CDH4: variants seen among roughly 807,000 people sequenced by gnomAD.
The protein encoded by CDH4 is cadherin 4, also known as cadherin-4.
CDH4 carries 33 observed loss-of-function variants against 86.0 expected under a neutral mutation model. The ratio of observed to expected loss-of-function variants is 0.38; its 90% CI spans 0.29 to 0.51. The LOEUF (loss-of-function observed/expected upper bound fraction) is 0.51. Among genes scored for constraint, CDH4 ranks in the 20% least tolerant of loss-of-function variants. The pLI is 0.86. For synonymous variants in CDH4, 555 were observed against 549.4 expected (o/e 1.01, Z -0.14); for missense variants, 1,114 against 1,307.4 (o/e 0.85, Z 2.28).
chr20:61,323,781 C>G (rs570748430), intron 2 of CDH4, among the ~76,000 whole-genome samples: 2 of 152,268 alleles, frequency 1.3e-5, no homozygotes, highest in African/African-American at 4.8e-5. Flanking sequence ...TTGCCGTCAC[C>G]TTTAGTACAT....
chr20:61,737,352 G>A (rs1052849188), intron 2 of CDH4, among the ~76,000 whole-genome samples: 3 of 152,088 alleles, frequency 2.0e-5, no homozygotes, highest in African/African-American at 4.8e-5. Context: ...CACACCTTGG[G>A]GTGAGGAGAG....
chr20:61,686,992 C>T (rs1341512397), intron 2 of CDH4, among the ~76,000 whole-genome samples: 2 of 143,990 alleles, frequency 1.4e-5, no homozygotes, highest in South Asian at 2.5e-4. Context: ...GTTTTTTCAT[C>T]GTGATCATCA....
intron 5 of CDH4, among the ~76,000 whole-genome samples, chr20:61,846,763 G>GT (rs1325003971): frequency 1.3e-5 from 2 of 152,194 alleles, no homozygotes; most frequent in African/African-American, 4.8e-5. Flanking sequence ...TCTGTCTGTT[G>GT]TTTTTTTAAC....
intron 2 of CDH4, among the ~76,000 whole-genome samples, chr20:61,606,478 C>A (rs1277253173): frequency 1.3e-5 from 2 of 152,222 alleles, no homozygotes. Context: ...CAAAGCCTGA[C>A]AGTCTCTCAG....
At chr20:61,795,801 G>C (rs772374607) in intron 4 of CDH4, among the ~76,000 whole-genome samples, 79 of 152,182 alleles carry the variant, frequency 5.2e-4, no homozygotes, top group Non-Finnish European at 8.7e-4. Flanking sequence ...ACCCTGGAAG[G>C]CTGCCTGGGA....
intron 2 of CDH4, among the ~76,000 whole-genome samples, chr20:61,534,258 T>C (rs2085977299): frequency 6.6e-6 from 1 of 152,212 alleles, no homozygotes; most frequent in Non-Finnish European, 1.5e-5. Context: ...TTCCATTTTT[T>C]CTTGTCATGT....
chr20:61,587,240 G>A (rs544993241), intron 2 of CDH4, among the ~76,000 whole-genome samples: 2 of 152,118 alleles, frequency 1.3e-5, no homozygotes, highest in Admixed American at 6.5e-5. Context: ...AAGGCTGAGC[G>A]CTTGAAGGGG....
At chr20:61,777,614 A>C (rs1408691927) in intron 4 of CDH4, among the ~76,000 whole-genome samples, 2 of 151,798 alleles carry the variant, frequency 1.3e-5, no homozygotes, top group African/African-American at 4.8e-5. Flanking sequence ...CCACATGCGC[A>C]CACACGTGCA....
intron 2 of CDH4, among the ~76,000 whole-genome samples, chr20:61,292,052 C>T (rs1355573070): frequency 6.6e-6 from 1 of 152,304 alleles, no homozygotes; most frequent in East Asian, 1.9e-4. Flanking sequence ...CCAGCTTCAT[C>T]CATGTCCCTG....
chr20:61,498,159 A>C (rs2085675864), intron 2 of CDH4, among the ~76,000 whole-genome samples: 1 of 152,146 alleles, frequency 6.6e-6, no homozygotes, highest in East Asian at 1.9e-4. Flanking sequence ...ATACATATGT[A>C]ACTAACCTGC....
intron 2 of CDH4, among the ~76,000 whole-genome samples, chr20:61,420,290 G>T: frequency 6.6e-6 from 1 of 152,230 alleles, no homozygotes; most frequent in Non-Finnish European, 1.5e-5. Flanking sequence ...CCTGGAAAGG[G>T]CTGAAAGAAC....
At chr20:61,597,143 G>A (rs538326720) in intron 2 of CDH4, among the ~76,000 whole-genome samples, 27 of 152,342 alleles carry the variant, frequency 1.8e-4, no homozygotes, top group South Asian at 4.1e-4. Flanking sequence ...TTTTCCTGGC[G>A]TGGTGCCCAC....
intron 2 of CDH4, among the ~76,000 whole-genome samples, chr20:61,660,855 C>T (rs1003031710): frequency 8.5e-5 from 13 of 152,134 alleles, no homozygotes; most frequent in Non-Finnish European, 1.0e-4. Flanking sequence ...CCTCTTTGCC[C>T]GGTTTCCACA....
At chr20:61,539,209 TCTC>T (rs1157979500) in intron 2 of CDH4, among the ~76,000 whole-genome samples, 4 of 152,130 alleles carry the variant, frequency 2.6e-5, no homozygotes, top group African/African-American at 7.2e-5. Flanking sequence ...CTCAGCATCT[TCTC>T]CTCACCTTGC....
intron 2 of CDH4, among the ~76,000 whole-genome samples, chr20:61,337,590 G>C (rs1176254752): frequency 6.6e-6 from 1 of 152,054 alleles, no homozygotes; most frequent in Non-Finnish European, 1.5e-5. Context: ...TAATCCTCAG[G>C]TTTCTTCAGT....
At chr20:61,651,431 C>T (rs1304483467) in intron 2 of CDH4, among the ~76,000 whole-genome samples, 1 of 152,236 alleles carries the variant, frequency 6.6e-6, no homozygotes, top group Non-Finnish European at 1.5e-5. Context: ...TTGTGCCTGT[C>T]GCGGCGTTCC....
At chr20:61,933,976 T>C in intron 14 of CDH4, 80 bp from the exon 15 acceptor site, 1 of 1,522,136 alleles carries the variant, frequency 6.6e-7, no homozygotes, top group South Asian at 1.2e-5. Context: ...GTGGCCCAGG[T>C]GACAGAAAAG....
intron 2 of CDH4, among the ~76,000 whole-genome samples, chr20:61,724,128 CA>C (rs1404307698): frequency 7.3e-6 from 1 of 137,530 alleles, no homozygotes; most frequent in Non-Finnish European, 1.6e-5. Flanking sequence ...CTCCATGTGG[CA>C]GGGGGGTGGG....
At position 61,499,185 on chromosome 20, in the gene CDH4, G is replaced by A. The variant is rs975989791; in HGVS notation, c.169+244248G>A. On this transcript the variant is annotated intron_variant, in intron 2 of 15. Transcript: ENST00000614565. The stretch of plus-strand genomic sequence containing the variant: ...TCAGGCTGCCTGTGGTTGTGTTTTC[G>A]TAGCTCCTGGAGCCCTGGTTGCGGA... 5.9e-5 allele frequency among the ~76,000 whole-genome samples: 9 copies of A among 152,186 alleles called. No homozygotes were observed. The East Asian group carries it at 9.6e-4, about 16-fold the overall frequency.
Sources: gnomAD v4.1 joint callset for allele counts (sites outside exome capture counted in the v4.1 genomes callset) on GRCh38, gnomAD v4.1.1 for gene constraint, MANE v1.5 for transcripts, NCBI Gene and HGNC (gene_info 2026-07-23, HGNC 2026-07-21) for gene names.